Variants in SGSH observed in about 807,000 individuals in gnomAD.
The protein encoded by SGSH is heparan sulfate sulfatase.
SGSH carries 48 observed loss-of-function variants against 51.0 expected under a neutral mutation model. That is an observed-to-expected ratio of 0.94 (90% CI 0.75 to 1.20). SGSH has a LOEUF of 1.20. SGSH is among the 50% of genes most tolerant of loss of function. The pLI is 0.00. For missense variants in SGSH, 662 were observed against 717.8 expected (o/e 0.92, Z 0.89); for synonymous variants, 321 against 313.4 (o/e 1.02, Z -0.26).
At chr17:80,211,990 G>T in intron 7 of SGSH, 81 bp downstream of exon 7, 1 of 1,134,742 alleles carries the variant, frequency 8.8e-7, no homozygotes, top group Admixed American at 1.8e-5. Flanking sequence ...GGTAATGGGT[G>T]TGGAGCAGCA....
rs1017671812 is a variant in SGSH, at chr17:80,209,407, C to T, written c.*1045G>A. The T allele has an allele frequency of 3.8e-5, 37 of 985,392 alleles. No homozygotes were observed. In the African/African-American group the frequency reaches 6.1e-4, roughly 16 times the overall value. 61.0% of individuals were successfully genotyped at this position (985,392 alleles called of 1,614,324 possible). ...GAAGGGCAAGGGGAGCCCACCTACT[C>T]AAGGAAGCGCCCTCTCCTTCGAGGG... On this transcript the variant is annotated 3_prime_UTR_variant, in exon 8 of 8. Coordinates refer to ENST00000326317, the MANE Select transcript of SGSH (RefSeq NM_000199.5).
Position 80,213,996 on chromosome 17 carries a change from C to T in SGSH, c.664-111G>A, listed in dbSNP as rs141802955. ...GGGTTAGCCCAGAACAGCCTCACTC[C>T]GGACCACCCCGTCTCTCTACGGTTC... is the stretch of plus-strand genomic sequence containing the variant. On this transcript the variant is annotated intron_variant, in intron 5 of 7. Transcript: ENST00000326317. The surrounding 1 kb of genome is among the most constrained non-coding windows in gnomAD (Gnocchi z 4.6). The T allele has an allele frequency of 8.6e-3, 11,242 of 1,311,716 alleles. 75 individuals carry two copies. Among genetic ancestry groups the T allele is most frequent in the Middle Eastern group, 0.026 (147 of 5,562 alleles). 81.3% of individuals were successfully genotyped at this position (1,311,716 alleles called of 1,614,324 possible).
downstream of SGSH, chr17:80,205,883 T>TA: frequency 4.4e-6 from 2 of 456,808 alleles, no homozygotes; most frequent in Non-Finnish European, 7.7e-6. Context: ...TTCCTCAGCT[T>TA]GGGGGATGTT....
chr17:80,219,935 A>AC (rs2042077090), intron 1 of SGSH: 2 of 348,448 alleles, frequency 5.7e-6, no homozygotes, highest in Admixed American at 4.8e-5. Context: ...AGATCCGTGG[A>AC]CCCCTGAGCC....
chr17:80,208,144 C>A (rs561526327), downstream of SGSH: 2 of 1,541,582 alleles, frequency 1.3e-6, no homozygotes, highest in African/African-American at 2.7e-5. Flanking sequence ...GCAGGAAGGG[C>A]CTACAGCGGT....
intron 4 of SGSH, 121 bp downstream of exon 4, chr17:80,214,494 T>A: frequency 7.7e-7 from 1 of 1,305,486 alleles, no homozygotes; most frequent in Non-Finnish European, 1.1e-6. Context: ...CTCGAGTACC[T>A]GGAACCTTCT....
At position 80,210,721 on chromosome 17, in the gene SGSH, G is replaced by T; in HGVS notation, c.1240C>A (p.Arg414Ser). The change falls in exon 8 of 8, where the codon CGC (arginine) becomes AGC (serine). Residue 414 changes from arginine to serine, a missense_variant. Coordinates refer to ENST00000326317, the MANE Select transcript of SGSH (RefSeq NM_000199.5). Reference sequence around the variant, plus strand: ...CCCGTGGGCTGACCAGCTGTGGTGCGGTTCAGGAGGTCCTGGAAGGTGGGT... The same window carrying T: ...CCCGTGGGCTGACCAGCTGTGGTGCTGTTCAGGAGGTCCTGGAAGGTGGGT... ...VSPTFQDLLN[R>S]TTAGQPTGWY... The T allele has an allele frequency of 6.2e-7, 1 of 1,614,054 alleles. No individual in the cohort carries two copies. The highest frequency in any genetic ancestry group is 8.5e-7 in the Non-Finnish European group (1 of 1,180,032).
downstream of SGSH, chr17:80,202,174 T>G (rs1188327051): frequency 6.2e-7 from 1 of 1,607,366 alleles, no homozygotes; most frequent in East Asian, 2.2e-5. Context: ...TGTCCCCTTT[T>G]ATCAGGTTAT....
chr17:80,215,861 A>G (rs2041871714), intron 2 of SGSH, among the ~76,000 whole-genome samples: 1 of 152,156 alleles, frequency 6.6e-6, no homozygotes, highest in African/African-American at 2.4e-5. Context: ...CTTTATTCAC[A>G]ACAGCCAAAG....
Position 80,212,166 on chromosome 17 carries a change from A to T in SGSH, c.854T>A (p.Leu285Gln), listed in dbSNP as rs1456779141. 1.2e-6 allele frequency: 2 copies of T among 1,613,496 alleles called. No homozygotes were observed. The highest frequency in any genetic ancestry group is 1.7e-6 in the Non-Finnish European group (2 of 1,179,992). The change falls in exon 7 of 8, where the codon CTG becomes CAG. Residue 285 changes from leucine to glutamine, a missense_variant. Physicochemically the swap from Leu to Gln is moderately radical, Grantham distance 113. Coordinates refer to ENST00000326317, the MANE Select transcript of SGSH (RefSeq NM_000199.5). The surrounding 1 kb of genome is among the most constrained non-coding windows in gnomAD (Gnocchi z 5.9). ...GIPFPSGRTN[L>Q]YWPGTAEPLL... Reference sequence around the variant, plus strand: ...GGGTTCAGCAGTGCCCGGCCAGTACAGGTTGGTCCTGCCGCTGGGGAAGGG... The same window carrying T: ...GGGTTCAGCAGTGCCCGGCCAGTACTGGTTGGTCCTGCCGCTGGGGAAGGG...
At chr17:80,204,146 TG>T (rs1474661901), downstream of SGSH, 7 of 1,393,200 alleles carry the variant, frequency 5.0e-6, no homozygotes, top group African/African-American at 1.0e-4. Flanking sequence ...GTCGCCCTAG[TG>T]CCAATCATCT....
At chr17:80,203,438 G>C (rs1034138112), downstream of SGSH, 6 of 205,834 alleles carry the variant, frequency 2.9e-5, no homozygotes, top group African/African-American at 1.4e-4. The surrounding 1 kb of genome is among the most constrained non-coding windows in gnomAD (Gnocchi z 4.6). Context: ...AGCAGGTCCA[G>C]GGAGAGGCCT....
chr17:80,204,561 T>G (rs9914039), downstream of SGSH: 1 of 450,974 alleles, frequency 2.2e-6, no homozygotes. Context: ...GAGGCAGAGG[T>G]GGCAGTGAGC....
chr17:80,203,686 A>AG, downstream of SGSH: 1 of 618,540 alleles, frequency 1.6e-6, no homozygotes, highest in Non-Finnish European at 2.9e-6. This position sits in a 1 kb window ranked among gnomAD's most constrained non-coding sequence, Gnocchi z 4.6. Context: ...CCTGCAGCAA[A>AG]GGGATGTGTG....
chr17:80,219,161 C>CAAAAAAA (rs11430982), intron 1 of SGSH, among the ~76,000 whole-genome samples: 4 of 54,256 alleles, frequency 7.4e-5, no homozygotes, highest in Admixed American at 4.9e-4. Flanking sequence ...CCCTGTCTCA[C>CAAAAAAA]AAAAAAAAAA....
Position 80,210,396 on chromosome 17 carries a change from C to T in SGSH, c.*56G>A, listed in dbSNP as rs544198851. 44 of 1,521,248 alleles carry T rather than the reference C, an allele frequency of 2.9e-5. No homozygotes were observed. Among genetic ancestry groups the T allele is most frequent in the African/African-American group, 5.4e-5 (4 of 73,422 alleles). The allele number at this position is 1,521,248 out of a possible 1,614,324, so 94.2% of individuals were successfully genotyped here. ...CCCAGGCTGGCCGGCCACACGGACA[C>T]GTGTGGGATGTGTCTGGGACATGCC... is the stretch of plus-strand genomic sequence containing the variant. On this transcript the variant is annotated 3_prime_UTR_variant, in exon 8 of 8. Transcript: ENST00000326317.
downstream of SGSH, chr17:80,205,290 C>A (rs1023624238): frequency 1.2e-4 from 144 of 1,244,018 alleles, no homozygotes; most frequent in Non-Finnish European, 1.6e-4. Flanking sequence ...TCCCCTTCCT[C>A]CCTCCTCCTT....
At position 80,210,670 on chromosome 17, in the gene SGSH, A is replaced by G; in HGVS notation, c.1291T>C (p.Tyr431His). ...TGWYKDLRHY[Y>H]YRARWELYDR... ...TAGAGCTCCCAGCGCGCCCGGTAGT[A>G]GTAATGACGGAGGTCCTTGTACCAG... The change falls in exon 8 of 8, where the codon TAC (tyrosine) becomes CAC (histidine). Residue 431 changes from tyrosine (Y) to histidine (H), a missense_variant. Transcript: ENST00000326317. The G allele has an allele frequency of 1.2e-6, 2 of 1,614,030 alleles. No individual in the cohort carries two copies. Among genetic ancestry groups the G allele is most frequent in the Non-Finnish European group, 1.7e-6 (2 of 1,180,024 alleles).
chr17:80,203,209 G>A (rs897887533), downstream of SGSH: 2 of 151,792 alleles, frequency 1.3e-5, no homozygotes, highest in African/African-American at 4.8e-5. The surrounding 1 kb of genome is among the most constrained non-coding windows in gnomAD (Gnocchi z 4.6). Context: ...GGCAGAGGTT[G>A]CAGTGAGCCG....
Sources: allele counts gnomAD v4.1 joint callset (sites outside exome capture counted in the v4.1 genomes callset), GRCh38; gene constraint gnomAD v4.1.1; non-coding constraint Gnocchi (gnomAD v3.1); transcripts MANE v1.5; gene names NCBI Gene and HGNC (gene_info 2026-07-23, HGNC 2026-07-21).